Variants in MGST1 observed in about 807,000 individuals in gnomAD.
MGST1 encodes microsomal glutathione S-transferase 1.
Under a neutral mutation model 8.9 loss-of-function variants are expected in MGST1, and 5 were observed. The ratio of observed to expected loss-of-function variants is 0.56; its 90% CI spans 0.29 to 1.19. The LOEUF is 1.19. Ranked by LOEUF, MGST1 falls within the 50% of genes most tolerant of loss-of-function variation. MGST1 has a pLI of 0.08. For synonymous variants in MGST1, 54 were observed against 67.8 expected (o/e 0.80, Z 1.00); for missense variants, 182 against 187.4 (o/e 0.97, Z 0.17).
chr12:16,403,028 T>C (rs1403270387), intron 1 of MGST1, among the ~76,000 whole-genome samples: 1 of 151,650 alleles, frequency 6.6e-6, no homozygotes, highest in Non-Finnish European at 1.5e-5. Flanking sequence ...AACTTAATCA[T>C]TTTTATCCTT....
At chr12:16,385,834 T>C (rs1981752) in intron 1 of MGST1, among the ~76,000 whole-genome samples, 62,438 of 151,948 alleles carry the variant, frequency 0.41, 13,551 homozygotes, top group East Asian at 0.57. Flanking sequence ...CTGCTTTTAA[T>C]ACATACAGTT....
chr12:16,485,929 TGTTTAA>T (rs1363944313), intron 4 of MGST1, among the ~76,000 whole-genome samples: 1 of 152,218 alleles, frequency 6.6e-6, no homozygotes, highest in East Asian at 1.9e-4. Context: ...ATCCCCTTCT[TGTTTAA>T]TTTTCTCTTT....
chr12:16,446,191 A>G (rs1287244070), intron 4 of MGST1, among the ~76,000 whole-genome samples: 1 of 151,992 alleles, frequency 6.6e-6, no homozygotes, highest in Non-Finnish European at 1.5e-5. Flanking sequence ...GCCCATGTCC[A>G]AATGACCAAT....
intron 4 of MGST1, among the ~76,000 whole-genome samples, chr12:16,563,552 CATTTT>C (rs1942479838): frequency 6.6e-6 from 1 of 152,020 alleles, no homozygotes; most frequent in African/African-American, 2.4e-5. Context: ...CTATCTAATT[CATTTT>C]GAGTACTCAT....
chr12:16,418,678 G>A (rs1158914645), intron 1 of MGST1, among the ~76,000 whole-genome samples: 1 of 152,020 alleles, frequency 6.6e-6, no homozygotes, highest in East Asian at 1.9e-4. Flanking sequence ...TCCCACCTTT[G>A]CCACCAACTT....
downstream of MGST1, among the ~76,000 whole-genome samples, chr12:16,592,880 T>C (rs1424788782): frequency 2.6e-5 from 4 of 151,826 alleles, no homozygotes; most frequent in Non-Finnish European, 4.4e-5. Context: ...CAAAAACAGG[T>C]AAATAAACAT....
In MGST1 at chr12:16,369,830, T is replaced by A. The variant is rs1940261113; in HGVS notation, c.222-6292T>A. On this transcript the variant is annotated intron_variant, in intron 3 of 3. Coordinates refer to the MGST1 transcript ENST00000535309. The surrounding 1 kb of genome is among the most constrained non-coding windows in gnomAD (Gnocchi z 4.8). Reference sequence around the variant, plus strand: ...AAGACAGGAAATGGAACTGCATAAATCTCCTTTCAAGAGTCTGCAATCATT... The same window carrying A: ...AAGACAGGAAATGGAACTGCATAAAACTCCTTTCAAGAGTCTGCAATCATT... 1 of 152,122 alleles carries A rather than the reference T, an allele frequency of 6.6e-6. No homozygotes were observed. The highest frequency in any genetic ancestry group is 2.1e-4 in the South Asian group (1 of 4,834). 9.4% of individuals were successfully genotyped at this position (152,122 alleles called of 1,614,324 possible).
In MGST1 at chr12:16,423,803, C is replaced by T. The variant is rs16911926; in HGVS notation, n.779-13585C>T. On this transcript the variant is annotated intron_variant and non_coding_transcript_variant, in intron 1 of 1. Coordinates refer to the MGST1 transcript ENST00000359720. ...TCTAAGGTAAGTCAATTCTATGCTC[C>T]CTCAATTCACAGAAAGTTGTCATTC... is the stretch of plus-strand genomic sequence containing the variant. Among the ~76,000 whole-genome samples, 463 of 152,254 alleles carry T rather than the reference C, an allele frequency of 3.0e-3. 12 individuals are homozygous for T. In the South Asian group the frequency reaches 0.06, roughly 20 times the overall value.
rs191653502 is a variant in MGST1, at chr12:16,410,208, G to A, written n.778+26604G>A. Among the ~76,000 whole-genome samples, 1 of 152,256 alleles carries A rather than the reference G, an allele frequency of 6.6e-6. No homozygotes were observed. The highest frequency in any genetic ancestry group is 1.9e-4 in the East Asian group (1 of 5,186). On this transcript the variant is annotated intron_variant and non_coding_transcript_variant, in intron 1 of 1. Coordinates refer to the MGST1 transcript ENST00000359720. This position sits in a 1 kb window ranked among gnomAD's most constrained non-coding sequence, Gnocchi z 4.4. Reference sequence around the variant, plus strand: ...TCATTTCTCTTTAACTTGGAGATTAGCCTATCTTGTCTGCTCTTTGACATT... The same window carrying A: ...TCATTTCTCTTTAACTTGGAGATTAACCTATCTTGTCTGCTCTTTGACATT...
chr12:16,443,711 T>C (rs1941056589), downstream of MGST1, among the ~76,000 whole-genome samples: 1 of 151,938 alleles, frequency 6.6e-6, no homozygotes, highest in Non-Finnish European at 1.5e-5. Flanking sequence ...AATGTTACTA[T>C]TGTGGCTCTA....
At chr12:16,515,929 TCAC>T (rs1941610939) in intron 4 of MGST1, among the ~76,000 whole-genome samples, 1 of 152,174 alleles carries the variant, frequency 6.6e-6, no homozygotes, top group African/African-American at 2.4e-5. Context: ...GGCTCAGGCT[TCAC>T]CCATTGGAAA....
intron 1 of MGST1, among the ~76,000 whole-genome samples, chr12:16,431,455 C>CTT (rs371423460): frequency 4.8e-5 from 7 of 144,710 alleles, no homozygotes; most frequent in African/African-American, 1.8e-4. Context: ...ATGTGCAACT[C>CTT]TTTTTTTTTT....
At position 16,389,799 on chromosome 12, in the gene MGST1, GC is replaced by G. The variant is rs1940534692; in HGVS notation, n.778+6196del. Among the ~76,000 whole-genome samples the G allele has an allele frequency of 6.6e-6, 1 of 152,174 alleles. No individual in the cohort carries two copies. The highest frequency in any genetic ancestry group is 2.4e-5 in the African/African-American group (1 of 41,446). ...GCTTGCAGAGGTGGCTGGGAGTGAG[GC>G]ATGAGATCTCTCGGTAGAGGCAAAA... is the stretch of plus-strand genomic sequence containing the variant. On this transcript the variant is annotated intron_variant and non_coding_transcript_variant, in intron 1 of 1. Transcript: ENST00000359720. This position sits in a 1 kb window ranked among gnomAD's most constrained non-coding sequence, Gnocchi z 4.6.
intron 4 of MGST1, among the ~76,000 whole-genome samples, chr12:16,588,778 C>G (rs918121356): frequency 5.9e-5 from 9 of 152,018 alleles, no homozygotes; most frequent in Admixed American, 2.0e-4. Flanking sequence ...ATACTAGTAG[C>G]CTTTCATATT....
intron 4 of MGST1, among the ~76,000 whole-genome samples, chr12:16,483,410 G>A (rs2137147519): frequency 6.6e-6 from 1 of 152,004 alleles, no homozygotes; most frequent in African/African-American, 2.4e-5. Context: ...TCCAACCAAC[G>A]GTGTGAAAAT....
Position 16,581,878 on chromosome 12 carries a change from G to T in MGST1, n.483-7650G>T, listed in dbSNP as rs570516781. ...TGGCATAGAATAAAACTATAAATTT[G>T]ATTTACTTTTTTATTTAGCTGCTAT... On this transcript the variant is annotated intron_variant and non_coding_transcript_variant, in intron 4 of 4. Transcript: ENST00000538857. Among the ~76,000 whole-genome samples the T allele has an allele frequency of 2.6e-5, 4 of 151,890 alleles. No homozygotes were observed. In the South Asian group the frequency reaches 8.3e-4, roughly 32 times the overall value.
chr12:16,520,734 C>T (rs192536538), intron 4 of MGST1, among the ~76,000 whole-genome samples: 266 of 152,244 alleles, frequency 1.7e-3, no homozygotes, highest in African/African-American at 6.1e-3. Flanking sequence ...TGCATTCTAT[C>T]TTCTGATCCA....
At chr12:16,593,224 A>AT (rs755114974), downstream of MGST1, among the ~76,000 whole-genome samples, 3 of 151,888 alleles carry the variant, frequency 2.0e-5, no homozygotes, top group Non-Finnish European at 4.4e-5. This position sits in a 1 kb window ranked among gnomAD's most constrained non-coding sequence, Gnocchi z 4.2. Context: ...TTACTTAAAT[A>AT]TTGCTTTGGT....
At chr12:16,373,106 T>C (rs919997154) in intron 3 of MGST1, among the ~76,000 whole-genome samples, 2 of 151,122 alleles carry the variant, frequency 1.3e-5, no homozygotes, top group Non-Finnish European at 3.0e-5. Flanking sequence ...TGAAACAACA[T>C]GGATAGAACT....
Sources: allele counts gnomAD v4.1 joint callset (sites outside exome capture counted in the v4.1 genomes callset), GRCh38; gene constraint gnomAD v4.1.1; non-coding constraint Gnocchi (gnomAD v3.1); transcripts MANE v1.5; gene names NCBI Gene and HGNC (gene_info 2026-07-23, HGNC 2026-07-21).